PPP1R17: variants seen among roughly 807,000 people sequenced by gnomAD.
PPP1R17 encodes the protein G-substrate.
In PPP1R17, 12 loss-of-function variants were observed where a neutral mutation model predicts 15.9. The ratio of observed to expected loss-of-function variants is 0.75; its 90% CI spans 0.48 to 1.22. PPP1R17 has a LOEUF of 1.22. PPP1R17 is among the 50% of genes most tolerant of loss of function. The probability of loss-of-function intolerance (pLI) is 0.00; values close to 1 mark genes in which losing one functional copy is unlikely to be tolerated. For synonymous variants in PPP1R17, 63 were observed against 64.5 expected (o/e 0.98, Z 0.11); for missense variants, 211 against 187.3 (o/e 1.13, Z -0.74).
intron 1 of PPP1R17, 29 bp from the exon 2 acceptor site, chr7:31,692,377 C>T: frequency 1.5e-6 from 2 of 1,301,118 alleles, no homozygotes; most frequent in South Asian, 2.4e-5. Context: ...CAGAGCCATA[C>T]TTATTAACTG....
rs146557516 is a variant in PPP1R17 at position 31,690,904 on chromosome 7, A to G, written c.-36-1502A>G. On this transcript the variant is annotated intron_variant, in intron 1 of 4. Transcript: ENST00000342032. ...ACAGATCCTCTATGGGGTAATTTTC[A>G]ACATAATATGTATGACTGGGCCCAT... is the stretch of plus-strand genomic sequence containing the variant. Among the ~76,000 whole-genome samples the G allele has an allele frequency of 5.6e-4, 85 of 152,266 alleles. 1 individual carries two copies. Among genetic ancestry groups the G allele is most frequent in the African/African-American group, 1.7e-3 (69 of 41,562 alleles).
chr7:31,704,185 A>G (rs1234366846), intron 4 of PPP1R17, among the ~76,000 whole-genome samples: 2 of 152,220 alleles, frequency 1.3e-5, no homozygotes, highest in Admixed American at 1.3e-4. Flanking sequence ...TCTACACTAG[A>G]AAGGGATCAG....
chr7:31,695,424 TA>T, intron 2 of PPP1R17, 44 bp from the exon 3 acceptor site: 1 of 1,537,574 alleles, frequency 6.5e-7, no homozygotes, highest in South Asian at 1.3e-5. Context: ...ACTGGATCCT[TA>T]ATCATGTTAT....
intron 2 of PPP1R17, among the ~76,000 whole-genome samples, chr7:31,693,045 C>A (rs913825642): frequency 2.0e-5 from 3 of 152,298 alleles, no homozygotes; most frequent in South Asian, 4.1e-4. Flanking sequence ...CTGCCGCTAC[C>A]CATTTCTAAA....
At chr7:31,699,034 AG>A (rs1326858038) in intron 4 of PPP1R17, among the ~76,000 whole-genome samples, 3 of 152,176 alleles carry the variant, frequency 2.0e-5, no homozygotes, top group African/African-American at 7.2e-5. Flanking sequence ...CCAAAGAAAA[AG>A]TCCTTGCTCT....
intron 4 of PPP1R17, among the ~76,000 whole-genome samples, chr7:31,704,148 G>C (rs1792970718): frequency 6.6e-6 from 1 of 152,156 alleles, no homozygotes; most frequent in African/African-American, 2.4e-5. Context: ...GGGCAGTTTG[G>C]GACATCGAAG....
rs1273456105 is a variant in PPP1R17 at position 31,692,490 on chromosome 7, C to A, written c.49C>A (p.Leu17Met). Residue 17 changes from leucine (L) to methionine (M), a missense_variant, in exon 2 of 5, where the codon CTG becomes ATG. By Grantham distance (15) the Leu-to-Met change is conservative (BLOSUM62 2). Transcript: ENST00000342032. ...MQPLELSEDR[L>M]DKLDPRCSHL... ...GCCACTGGAACTCTCAGAAGACAGA[C>A]TGGACAAGCTAGACCCTCGTTGCAG... is the stretch of plus-strand genomic sequence containing the variant. 5 of 1,611,220 alleles carry A rather than the reference C, an allele frequency of 3.1e-6. No individual in the cohort carries two copies. Among genetic ancestry groups the A allele is most frequent in the Non-Finnish European group, 4.2e-6 (5 of 1,177,500 alleles).
At chr7:31,697,196 C>T in intron 4 of PPP1R17, 79 bp downstream of exon 4, 1 of 1,537,528 alleles carries the variant, frequency 6.5e-7, no homozygotes, top group South Asian at 1.3e-5. Flanking sequence ...GTCCCCAGGG[C>T]CTGGCCGTTG....
At chr7:31,701,352 G>T (rs1792841008) in intron 4 of PPP1R17, among the ~76,000 whole-genome samples, 1 of 152,184 alleles carries the variant, frequency 6.6e-6, no homozygotes, top group Admixed American at 6.6e-5. Flanking sequence ...AGAATTAGAA[G>T]TGGGGCCTGA....
intron 3 of PPP1R17, chr7:31,695,863 TGAG>T: frequency 6.3e-6 from 2 of 318,096 alleles, no homozygotes; most frequent in Non-Finnish European, 1.1e-5. Context: ...AACCATGGGG[TGAG>T]GAGGCAAGCT....
intron 2 of PPP1R17, among the ~76,000 whole-genome samples, chr7:31,694,443 C>G (rs1251734802): frequency 7.0e-6 from 1 of 142,356 alleles, no homozygotes; most frequent in Non-Finnish European, 1.5e-5. Context: ...TATCTCCACT[C>G]TAAAGATTGA....
At chr7:31,688,896 T>C (rs1411124222) in intron 1 of PPP1R17, among the ~76,000 whole-genome samples, 1 of 152,232 alleles carries the variant, frequency 6.6e-6, no homozygotes, top group African/African-American at 2.4e-5. Flanking sequence ...TTAAGAAATC[T>C]GAAACATTTT....
chr7:31,693,762 T>G (rs34172), intron 2 of PPP1R17, among the ~76,000 whole-genome samples: 27 of 152,036 alleles, frequency 1.8e-4, no homozygotes, highest in African/African-American at 6.5e-4. Context: ...GAAATTTACC[T>G]GAATAGTTTT....
At chr7:31,690,440 C>T (rs1562692997) in intron 1 of PPP1R17, among the ~76,000 whole-genome samples, 1 of 152,162 alleles carries the variant, frequency 6.6e-6, no homozygotes, top group Non-Finnish European at 1.5e-5. Context: ...ACTGTGTGGG[C>T]ACCACAAAGA....
At chr7:31,688,070 G>C (rs1792179935) in intron 1 of PPP1R17, among the ~76,000 whole-genome samples, 1 of 152,148 alleles carries the variant, frequency 6.6e-6, no homozygotes, top group South Asian at 2.1e-4. Context: ...GATCAATTTA[G>C]ATAGACATAT....
chr7:31,699,087 T>A (rs936182108), intron 4 of PPP1R17, among the ~76,000 whole-genome samples: 3 of 152,200 alleles, frequency 2.0e-5, no homozygotes, highest in Non-Finnish European at 4.4e-5. Context: ...ATTAAATATT[T>A]GGTGCTAAAG....
chr7:31,695,883 CAA>C (rs1792558848), intron 3 of PPP1R17: 3 of 281,924 alleles, frequency 1.1e-5, no homozygotes, highest in Admixed American at 5.2e-5. Flanking sequence ...AGCTCTGCTT[CAA>C]AGAGTCATTC....
At chr7:31,691,107 G>A (rs2128238057) in intron 1 of PPP1R17, among the ~76,000 whole-genome samples, 1 of 152,232 alleles carries the variant, frequency 6.6e-6, no homozygotes, top group East Asian at 1.9e-4. Flanking sequence ...GAAAACAATG[G>A]TCTGAATTGA....
intron 4 of PPP1R17, among the ~76,000 whole-genome samples, chr7:31,703,895 T>G (rs1195463269): frequency 1.3e-5 from 2 of 152,140 alleles, no homozygotes; most frequent in African/African-American, 2.4e-5. Flanking sequence ...ATCTCAAGCT[T>G]CTCTGACAGA....
Sources: allele counts gnomAD v4.1 joint callset (sites outside exome capture counted in the v4.1 genomes callset), GRCh38; gene constraint gnomAD v4.1.1; transcripts MANE v1.5; gene names NCBI Gene and HGNC (gene_info 2026-07-23, HGNC 2026-07-21).